NCL: variants seen among roughly 807,000 people sequenced by gnomAD.
NCL encodes the protein nucleolin multifunctional protein.
A neutral mutation model predicts 77.7 loss-of-function variants in NCL; 4 were observed. The ratio of observed to expected loss-of-function variants is 0.05; its 90% confidence interval spans 0.03 to 0.12. NCL has a LOEUF of 0.12. NCL is among the 10% of genes least tolerant of loss of function. The pLI, the probability that NCL is intolerant of heterozygous loss-of-function variation, is 1.00. For missense variants in NCL, 763 were observed against 860.9 expected, an observed-to-expected ratio of 0.89 and a Z score of 1.42; for synonymous variants, 344 against 297.8, an observed-to-expected ratio of 1.16 and a Z score of -1.60.
Position 231,456,122 on chromosome 2 carries a change from G to A in NCL, c.1720C>T (p.Leu574=), listed in dbSNP as rs1289173281. ...TCCTCAGACAGGCCTTTGACAAACA[G>A]AGTTTTGGATGGCTCTGGGAAGGAA... is the stretch of plus-strand genomic sequence containing the variant. ...PNARSQPSKT[L]FVKGLSEDTT... The change falls in exon 12 of 14, where the codon CTG becomes TTG. Residue 574 remains leucine (L), a synonymous_variant. Transcript: ENST00000322723. 1 of 1,611,496 alleles carries A rather than the reference G, an allele frequency of 6.2e-7. No individual in the cohort carries two copies. Among genetic ancestry groups the A allele is most frequent in the East Asian group, 2.2e-5 (1 of 44,872 alleles).
chr2:231,455,050 A>T lies in NCL; in HGVS notation c.*141T>A. 1.1e-6 allele frequency: 1 copy of T among 888,208 alleles called. No homozygotes were observed. The highest frequency in any genetic ancestry group is 1.8e-6 in the Non-Finnish European group (1 of 565,772). 55.0% of individuals were successfully genotyped at this position (888,208 alleles called of 1,614,324 possible). On this transcript the variant is annotated 3_prime_UTR_variant, in exon 14 of 14. Transcript: ENST00000322723. ...AACACGGTATTGCCCTTGAAATGTT[A>T]ACTAGACGGATTTCCAAGGAGACCA... is the stretch of plus-strand genomic sequence containing the variant.
At chr2:231,460,389 A>G in intron 5 of NCL, 89 bp downstream of exon 5, 1 of 1,591,856 alleles carries the variant, frequency 6.3e-7, no homozygotes, top group African/African-American at 1.3e-5. Context: ...GCACACTACA[A>G]TGTAACATCA....
At chr2:231,460,125 G>A (rs770343697) in intron 6 of NCL, 27 bp downstream of exon 6, 1 of 1,598,696 alleles carries the variant, frequency 6.3e-7, no homozygotes, top group Admixed American at 1.7e-5. Context: ...AGACCCACGT[G>A]TATGTAACGT....
chr2:231,461,661 A>ATCCTCGTCCTCGTCATCCTCC lies in NCL; in HGVS notation c.471_491dup (p.Glu157_Glu163dup). On this transcript the variant is annotated inframe_insertion, in exon 3 of 14. Coordinates refer to ENST00000322723, the MANE Select transcript of NCL (RefSeq NM_005381.3). Reference sequence around the variant, plus strand: ...CTGGTTCAATTTCATCTTCATCCTCATCCTCGTCCTCGTCATCCTCCTCAT... The same window carrying ATCCTCGTCCTCGTCATCCTCC: ...CTGGTTCAATTTCATCTTCATCCTCATCCTCGTCCTCGTCATCCTCCTCCTCGTCCTCGTCATCCTCCTCAT... 6.2e-7 allele frequency: 1 copy of ATCCTCGTCCTCGTCATCCTCC among 1,610,846 alleles called. No homozygotes were observed. Among genetic ancestry groups the ATCCTCGTCCTCGTCATCCTCC allele is most frequent in the Non-Finnish European group, 8.5e-7 (1 of 1,177,242 alleles).
intron 2 of NCL, chr2:231,462,508 T>C (rs752743847): frequency 4.0e-6 from 2 of 502,470 alleles, no homozygotes; most frequent in Non-Finnish European, 8.0e-6. Flanking sequence ...TAAATATAAA[T>C]ATTCCTTACA....
Position 231,456,069 on chromosome 2 carries a change from T to C in NCL, c.1773A>G (p.Ser591=). Residue 591 remains serine (S), a synonymous_variant, in exon 12 of 14, where the codon TCA becomes TCG. Transcript: ENST00000322723. ...EDTTEETLKE[S]FDGSVRARIV... is the part of the protein sequence containing the mutation. ...TCCTTGCCCGAACGGAGCCGTCAAA[T>C]GACTCCTTTAATGTCTCTTCAGTGG... is the stretch of plus-strand genomic sequence containing the variant. 6.2e-7 allele frequency: 1 copy of C among 1,614,172 alleles called. No individual in the cohort carries two copies. Among genetic ancestry groups the C allele is most frequent in the Non-Finnish European group, 8.5e-7 (1 of 1,180,036 alleles).
At chr2:231,460,646 A>T in intron 4 of NCL, 23 bp downstream of exon 4, 2 of 1,614,138 alleles carry the variant, frequency 1.2e-6, no homozygotes, top group Non-Finnish European at 8.5e-7. Context: ...CTCATGTCGT[A>T]TGTCAGAATC....
rs935192851 is a variant in NCL at position 231,462,194 on chromosome 2, T to A, written c.136-177A>T. On this transcript the variant is annotated intron_variant, in intron 2 of 13. Coordinates refer to ENST00000322723, the MANE Select transcript of NCL (RefSeq NM_005381.3). ...ATGTTGTCTTAAGTCAGAGCCCCTATCATAAGGTGAATACCCAGACATAAG... is the reference window on the plus strand; with the variant it reads ...ATGTTGTCTTAAGTCAGAGCCCCTAACATAAGGTGAATACCCAGACATAAG... The A allele has an allele frequency of 5.9e-6, 5 of 845,286 alleles. No individual in the cohort carries two copies. The African/African-American group carries it at 8.4e-5, about 14-fold the overall frequency. 52.4% of individuals were successfully genotyped at this position (845,286 alleles called of 1,614,324 possible).
rs931421098 is a variant in NCL, at chr2:231,460,129, G to A, written c.1040+23C>T. ...AAAGCATTAACAGACCCACGTGTAT[G>A]TAACGTGCAGTGAAGCACTTACCTA... On this transcript the variant is annotated intron_variant, in intron 6 of 13. Transcript: ENST00000322723. The A allele has an allele frequency of 5.6e-6, 9 of 1,601,672 alleles. No homozygotes were observed. The African/African-American group carries it at 1.1e-4, about 19-fold the overall frequency.
chr2:231,462,063 CAA>C, intron 2 of NCL, 46 bp from the exon 3 acceptor site: 1 of 1,599,498 alleles, frequency 6.3e-7, no homozygotes, highest in South Asian at 1.1e-5. Flanking sequence ...GCCCCACACC[CAA>C]AAAGATAACC....
chr2:231,462,065 A>G, intron 2 of NCL, 48 bp from the exon 3 acceptor site: 1 of 1,598,430 alleles, frequency 6.3e-7, no homozygotes, highest in Non-Finnish European at 8.5e-7. Context: ...CCCACACCCA[A>G]AAAGATAACC....
chr2:231,458,794 C>T (rs753361252), intron 7 of NCL: 30 of 515,696 alleles, frequency 5.8e-5, no homozygotes, highest in Non-Finnish European at 8.5e-5. Context: ...GCTTGCCTAA[C>T]TCAGGAATTT....
Position 231,460,668 on chromosome 2 carries a change from CCTTCCTCCTCCTCTT to C in NCL, c.797_811del (p.Glu267_Glu271del), listed in dbSNP as rs759848849. 149 of 1,613,838 alleles carry C rather than the reference CCTTCCTCCTCCTCTT, an allele frequency of 9.2e-5. No individual in the cohort carries two copies. The highest frequency in any genetic ancestry group is 1.9e-4 in the South Asian group (17 of 91,076). On this transcript the variant is annotated inframe_deletion and splice_region_variant, in exon 4 of 14. Transcript: ENST00000322723. ...CGTATGTCAGAATCTAATTTAAGTA[CCTTCCTCCTCCTCTT>C]CTTCCTCCTCCTCATCATCTTCATC... is the stretch of plus-strand genomic sequence containing the variant.
At chr2:231,458,161 G>T in intron 8 of NCL, 105 bp downstream of exon 8, 2 of 1,457,456 alleles carry the variant, frequency 1.4e-6, no homozygotes, top group Non-Finnish European at 1.9e-6. Context: ...AGGTTAAACT[G>T]TCCAAGATTA....
In NCL at chr2:231,458,998, T is replaced by C. The variant is rs753858316; in HGVS notation, c.1165+3A>G. The C allele has an allele frequency of 1.0e-5, 16 of 1,582,550 alleles. No homozygotes were observed. Among genetic ancestry groups the C allele is most frequent in the Non-Finnish European group, 1.3e-5 (15 of 1,168,074 alleles). On this transcript the variant is annotated splice_donor_region_variant and intron_variant, in intron 7 of 13. Coordinates refer to ENST00000322723, the MANE Select transcript of NCL (RefSeq NM_005381.3). ...TTGCATAATCTCATAAAGCCTTACA[T>C]ACCTTTCTTACTGTCTTTTCCTTTT...
chr2:231,455,059 G>A lies in NCL; in HGVS notation c.*132C>T. ...TTGCCCTTGAAATGTTAACTAGACG[G>A]ATTTCCAAGGAGACCACAGGACTGT... On this transcript the variant is annotated 3_prime_UTR_variant, in exon 14 of 14. Transcript: ENST00000322723. The A allele has an allele frequency of 1.0e-6, 1 of 959,184 alleles. No individual in the cohort carries two copies. Among genetic ancestry groups the A allele is most frequent in the African/African-American group, 1.6e-5 (1 of 61,148 alleles). 59.4% of individuals were successfully genotyped at this position (959,184 alleles called of 1,614,324 possible).
intron 8 of NCL, 99 bp from the exon 9 acceptor site, chr2:231,457,899 AAATGCC>A: frequency 9.0e-7 from 1 of 1,105,182 alleles, no homozygotes; most frequent in Non-Finnish European, 1.2e-6. Context: ...TGAGTACAAT[AAATGCC>A]CTTAGTTTTA....
chr2:231,457,334 ACTGGTCTG>A, intron 9 of NCL: 1 of 795,282 alleles, frequency 1.3e-6, no homozygotes, highest in Non-Finnish European at 2.2e-6. Flanking sequence ...TAGGCTGATG[ACTGGTCTG>A]TTTTCCTAGA....
rs781351369 is a variant in NCL, at chr2:231,456,689, C to T, written c.1647G>A (p.Glu549=). The change falls in exon 11 of 14, where the codon GAG becomes GAA. Residue 549 remains glutamate, a synonymous_variant. Transcript: ENST00000322723. ...ALNSCNKREI[E]GRAIRLELQG... ...GCAACTCCAGCCTGATTGCTCTGCCCTCAATTTCCCTTTTATTACAGGAAT... is the reference window on the plus strand; with the variant it reads ...GCAACTCCAGCCTGATTGCTCTGCCTTCAATTTCCCTTTTATTACAGGAAT... 1.4e-5 allele frequency: 22 copies of T among 1,613,980 alleles called. No homozygotes were observed. Among genetic ancestry groups the T allele is most frequent in the Non-Finnish European group, 1.8e-5 (21 of 1,180,032 alleles).
Sources: allele counts gnomAD v4.1 joint callset, GRCh38; gene constraint gnomAD v4.1.1; transcripts MANE v1.5; gene names NCBI Gene and HGNC (gene_info 2026-07-23, HGNC 2026-07-21).